Variants in C3orf49 observed in about 807,000 individuals in gnomAD.
C3orf49 encodes the protein chromosome 3 open reading frame 49.
A neutral mutation model predicts 13.3 loss-of-function variants in C3orf49; 27 were observed. That is an observed-to-expected ratio of 2.02 (90% CI 1.49 to 2.79). The LOEUF (loss-of-function observed/expected upper bound fraction) is 2.79. Among genes scored for constraint, C3orf49 ranks in the 30% most tolerant of loss-of-function variants. C3orf49 has a pLI of 0.00. For synonymous variants in C3orf49, 87 were observed against 47.6 expected (o/e 1.83, Z -3.40); for missense variants, 242 against 134.2 (o/e 1.80, Z -3.97).
chr3:63,815,828 C>T (rs1701318324), upstream of C3orf49, among the ~76,000 whole-genome samples: 1 of 146,378 alleles, frequency 6.8e-6, no homozygotes, highest in Non-Finnish European at 1.5e-5. Flanking sequence ...GTGCAGTGGC[C>T]TGATCTCAGC....
chr3:63,846,790 T>C (rs573550357), intron 6 of C3orf49, among the ~76,000 whole-genome samples: 203 of 152,152 alleles, frequency 1.3e-3, no homozygotes, highest in Middle Eastern at 3.4e-3. Context: ...GAGCCCCACA[T>C]GGATGAAAGA....
At chr3:63,780,781 T>C in the C3orf49 span, among the ~76,000 whole-genome samples, 1 of 152,240 alleles carries the variant, frequency 6.6e-6, no homozygotes, top group Non-Finnish European at 1.5e-5. Flanking sequence ...GCTGCATAAA[T>C]GTCTTCTTTT....
chr3:63,792,482 A>G, the C3orf49 span, among the ~76,000 whole-genome samples: 1 of 152,226 alleles, frequency 6.6e-6, no homozygotes, highest in African/African-American at 2.4e-5. Context: ...ATCTAACATC[A>G]TATCATATGA....
In C3orf49 at chr3:63,838,335, A is replaced by G. The variant is rs148417476; in HGVS notation, c.849+6491A>G. 5.8e-4 allele frequency: 787 copies of G among 1,358,838 alleles called. 5 individuals carry two copies. The highest frequency in any genetic ancestry group is 1.6e-4 in the Non-Finnish European group (161 of 985,658). 84.2% of individuals were successfully genotyped at this position (1,358,838 alleles called of 1,614,324 possible). ...GGTATTGTTTCCTTTAGACCATAAA[A>G]AATAAAATTACAGATAGAAACATTA... On this transcript the variant is annotated intron_variant, in intron 5 of 6. Transcript: ENST00000295896.
intron 3 of C3orf49, among the ~76,000 whole-genome samples, chr3:63,830,129 G>C (rs1347274835): frequency 4.6e-5 from 7 of 152,158 alleles, no homozygotes; most frequent in African/African-American, 1.7e-4. Context: ...TACTGCAGAA[G>C]GTGTGGTCTC....
chr3:63,822,193 T>C (rs1701405566), intron 1 of C3orf49, among the ~76,000 whole-genome samples: 1 of 152,184 alleles, frequency 6.6e-6, no homozygotes, highest in Admixed American at 6.5e-5. Flanking sequence ...GCCAGGATGG[T>C]CTCGATCTCC....
At chr3:63,818,001 C>T (rs1057373857), upstream of C3orf49, among the ~76,000 whole-genome samples, 1 of 152,074 alleles carries the variant, frequency 6.6e-6, no homozygotes, top group Non-Finnish European at 1.5e-5. Context: ...ATTTATTGTG[C>T]TCTGAGGATG....
At chr3:63,848,209 G>A (rs1462393861) in intron 6 of C3orf49, among the ~76,000 whole-genome samples, 155 bp from the exon 7 acceptor site, 1 of 152,140 alleles carries the variant, frequency 6.6e-6, no homozygotes, top group Non-Finnish European at 1.5e-5. Flanking sequence ...CCTGATCCAG[G>A]AGAGATTAAG....
intron 2 of C3orf49, chr3:63,827,098 A>G (rs1223190724): frequency 6.6e-6 from 1 of 152,268 alleles, no homozygotes; most frequent in Non-Finnish European, 1.5e-5. Context: ...CTTTATAAAT[A>G]CATTTATGGA....
the C3orf49 span, among the ~76,000 whole-genome samples, chr3:63,805,358 T>A: frequency 6.6e-6 from 1 of 152,224 alleles, no homozygotes; most frequent in East Asian, 1.9e-4. Flanking sequence ...CTTTTTTTAT[T>A]AATTAGAAGT....
intron 5 of C3orf49, chr3:63,839,774 CT>C (rs1294249788): frequency 6.2e-7 from 1 of 1,613,104 alleles, no homozygotes; most frequent in East Asian, 2.2e-5. Context: ...ATAACTTCGT[CT>C]GCAGGAAAGA....
Position 63,823,240 on chromosome 3 carries a change from T to C in C3orf49, c.126-10T>C, listed in dbSNP as rs1298105912. ...GTTTCCCTAATATGAACCATTTTTATTTTGTTTAGATGGCATAGAGCTGTG... is the reference window on the plus strand; with the variant it reads ...GTTTCCCTAATATGAACCATTTTTACTTTGTTTAGATGGCATAGAGCTGTG... On this transcript the variant is annotated splice_polypyrimidine_tract_variant and intron_variant, in intron 1 of 6. Transcript: ENST00000295896. 3.0e-6 allele frequency: 2 copies of C among 674,714 alleles called. No individual in the cohort carries two copies. The highest frequency in any genetic ancestry group is 5.4e-6 in the Non-Finnish European group (2 of 370,828). 41.8% of individuals were successfully genotyped at this position (674,714 alleles called of 1,614,324 possible). A position where few individuals can be genotyped will look rare whatever the true frequency, so the allele number is the denominator to read the frequency against.
intron 2 of C3orf49, among the ~76,000 whole-genome samples, chr3:63,825,512 GA>G (rs1181706813): frequency 1.3e-5 from 2 of 152,164 alleles, no homozygotes; most frequent in Non-Finnish European, 2.9e-5. Context: ...GAATCCAGCA[GA>G]AAACAGAGGA....
chr3:63,830,927 G>C (rs529598569), intron 3 of C3orf49, among the ~76,000 whole-genome samples, 183 bp from the exon 4 acceptor site: 20 of 152,156 alleles, frequency 1.3e-4, no homozygotes, highest in Admixed American at 1.0e-3. Flanking sequence ...GAGAGCTCTG[G>C]GCACAAAGAA....
At chr3:63,820,816 A>T (rs568142222) in intron 1 of C3orf49, among the ~76,000 whole-genome samples, 11 of 152,162 alleles carry the variant, frequency 7.2e-5, no homozygotes, top group Non-Finnish European at 1.2e-4. Flanking sequence ...TAATAACTAT[A>T]CACAAGTCTA....
chr3:63,835,244 T>A (rs1247981296), intron 5 of C3orf49: 3 of 1,613,094 alleles, frequency 1.9e-6, no homozygotes, highest in Non-Finnish European at 2.5e-6. Flanking sequence ...AAGAAAAAAA[T>A]TTATACAAAT....
the C3orf49 span, among the ~76,000 whole-genome samples, chr3:63,813,149 C>T: frequency 6.6e-6 from 1 of 152,318 alleles, no homozygotes; most frequent in African/African-American, 2.4e-5. Flanking sequence ...ATGCATGAAG[C>T]ACCATTCATT....
At chr3:63,803,445 C>A in the C3orf49 span, among the ~76,000 whole-genome samples, 1 of 152,182 alleles carries the variant, frequency 6.6e-6, no homozygotes, top group Non-Finnish European at 1.5e-5. Context: ...TAGCCAGTGT[C>A]CCAAGGAGAA....
the C3orf49 span, among the ~76,000 whole-genome samples, chr3:63,792,132 T>C: frequency 6.6e-6 from 1 of 152,228 alleles, no homozygotes; most frequent in Admixed American, 6.5e-5. Context: ...CAAAATGATT[T>C]AGCAATGGCA....
Sources: allele counts gnomAD v4.1 joint callset (sites outside exome capture counted in the v4.1 genomes callset), GRCh38; gene constraint gnomAD v4.1.1; transcripts MANE v1.5; gene names NCBI Gene and HGNC (gene_info 2026-07-23, HGNC 2026-07-21).